PDSS2: variants seen among roughly 807,000 people sequenced by gnomAD.
PDSS2 encodes all trans-polyprenyl-diphosphate synthase PDSS2.
Under a neutral mutation model 44.5 loss-of-function variants are expected in PDSS2, and 31 were observed. That is an observed-to-expected ratio of 0.70 (90% CI 0.52 to 0.94). The LOEUF is 0.94. Among genes scored for constraint, PDSS2 ranks in the 40% least tolerant of loss-of-function variants. The pLI is 0.00. For synonymous variants in PDSS2, 157 were observed against 180.3 expected (o/e 0.87, Z 1.03); for missense variants, 452 against 482.2 (o/e 0.94, Z 0.59).
intron 1 of PDSS2, among the ~76,000 whole-genome samples, chr6:107,351,845 A>T (rs1320428358): frequency 6.6e-6 from 1 of 152,206 alleles, no homozygotes; most frequent in Non-Finnish European, 1.5e-5. Context: ...GAGATCCAGT[A>T]ATTTCCTACC....
At chr6:107,203,035 C>G (rs1772840167) in intron 6 of PDSS2, among the ~76,000 whole-genome samples, 1 of 152,038 alleles carries the variant, frequency 6.6e-6, no homozygotes, top group Non-Finnish European at 1.5e-5. Context: ...TTAAATTGCA[C>G]AGTGTGACCA....
intron 1 of PDSS2, among the ~76,000 whole-genome samples, chr6:107,430,224 G>A (rs1324797908): frequency 2.0e-5 from 3 of 151,992 alleles, no homozygotes; most frequent in Admixed American, 2.0e-4. Context: ...CCTAGGCCGG[G>A]CACAGTGGCT....
chr6:107,229,010 T>C lies in PDSS2; in HGVS notation c.702+16538A>G, dbSNP rs74398740. The stretch of plus-strand genomic sequence containing the variant: ...TGGGTACAATGTGAGGGACAGGTTG[T>C]GAGTAAATTGACCAATGAAATACAC... On this transcript the variant is annotated intron_variant, in intron 4 of 7. Coordinates refer to ENST00000369037, the MANE Select transcript of PDSS2 (RefSeq NM_020381.4). Among the ~76,000 whole-genome samples, 922 of 152,276 alleles carry C rather than the reference T, an allele frequency of 6.1e-3. 11 individuals carry two copies. The highest frequency in any genetic ancestry group is 0.021 in the African/African-American group (882 of 41,556).
intron 6 of PDSS2, among the ~76,000 whole-genome samples, chr6:107,205,381 T>C (rs1432747038): frequency 6.6e-6 from 1 of 152,192 alleles, no homozygotes; most frequent in East Asian, 1.9e-4. Context: ...GAAGGATCAT[T>C]AAAAATAAAG....
chr6:107,444,978 A>C (rs1338213807), intron 1 of PDSS2, among the ~76,000 whole-genome samples: 2 of 152,202 alleles, frequency 1.3e-5, no homozygotes, highest in African/African-American at 4.8e-5. Flanking sequence ...CTAAAAGCCA[A>C]ATCTGTCAAG....
At chr6:107,233,590 T>TTC (rs1774124913) in intron 4 of PDSS2, among the ~76,000 whole-genome samples, 1 of 151,974 alleles carries the variant, frequency 6.6e-6, no homozygotes, top group Non-Finnish European at 1.5e-5. Flanking sequence ...GATGGGAGGA[T>TTC]CACCTGAGGC....
At chr6:107,293,425 T>A (rs574853293) in intron 2 of PDSS2, among the ~76,000 whole-genome samples, 1 of 152,188 alleles carries the variant, frequency 6.6e-6, no homozygotes, top group Non-Finnish European at 1.5e-5. Context: ...GTCAAAGTTT[T>A]CCAAAATATC....
intron 7 of PDSS2, among the ~76,000 whole-genome samples, chr6:107,163,952 G>T (rs1582719193): frequency 6.6e-6 from 1 of 152,100 alleles, no homozygotes. Flanking sequence ...TTAAGCTGGG[G>T]TTCCTAAACT....
intron 7 of PDSS2, among the ~76,000 whole-genome samples, chr6:107,183,087 C>A (rs1772040272): frequency 6.6e-6 from 1 of 151,962 alleles, no homozygotes; most frequent in Non-Finnish European, 1.5e-5. Flanking sequence ...TGACATGCAA[C>A]TGTAGTCTCT....
At chr6:107,353,042 T>C (rs974931970) in intron 1 of PDSS2, among the ~76,000 whole-genome samples, 2 of 152,218 alleles carry the variant, frequency 1.3e-5, no homozygotes, top group African/African-American at 2.4e-5. Context: ...TTATTACTAT[T>C]ATCAGAATTA....
At chr6:107,415,362 C>G (rs1780625314) in intron 1 of PDSS2, among the ~76,000 whole-genome samples, 1 of 151,924 alleles carries the variant, frequency 6.6e-6, no homozygotes. Context: ...GTTCCAGGTC[C>G]CTTCTACTAC....
intron 1 of PDSS2, among the ~76,000 whole-genome samples, chr6:107,392,149 A>G (rs550825985): frequency 6.6e-6 from 1 of 152,316 alleles, no homozygotes; most frequent in East Asian, 1.9e-4. Flanking sequence ...TTCACCTAAA[A>G]CATACCTAAT....
intron 6 of PDSS2, among the ~76,000 whole-genome samples, chr6:107,202,127 C>T (rs997840440): frequency 1.3e-5 from 2 of 152,172 alleles, no homozygotes; most frequent in African/African-American, 2.4e-5. Flanking sequence ...TAGCCTTGAC[C>T]TCCTGGACTC....
rs1329217255 is a variant in PDSS2 at position 107,459,469 on chromosome 6, C to A, written c.-184G>T. On this transcript the variant is annotated 5_prime_UTR_variant, in exon 1 of 8. Transcript: ENST00000369037. The surrounding 1 kb of genome is among the most constrained non-coding windows in gnomAD (Gnocchi z 4.3). ...TAACTGCTGCTTTCTGCAGCCCAGG[C>A]TGGGCAAACAACAGTCCCAGCTCAG... is the stretch of plus-strand genomic sequence containing the variant. The A allele has an allele frequency of 6.5e-6, 4 of 612,916 alleles. No individual in the cohort carries two copies. Among genetic ancestry groups the A allele is most frequent in the South Asian group, 1.9e-5 (1 of 51,686 alleles). 38.0% of individuals were successfully genotyped at this position (612,916 alleles called of 1,614,324 possible).
At chr6:107,448,878 G>T (rs1781774352) in intron 1 of PDSS2, among the ~76,000 whole-genome samples, 1 of 152,194 alleles carries the variant, frequency 6.6e-6, no homozygotes, top group Admixed American at 6.5e-5. Flanking sequence ...TGCCAGCAGG[G>T]GAAATGTGAG....
chr6:107,306,317 A>G (rs1401315974), intron 2 of PDSS2, among the ~76,000 whole-genome samples: 2 of 152,168 alleles, frequency 1.3e-5, no homozygotes, highest in Non-Finnish European at 2.9e-5. Context: ...AATAAGTCTC[A>G]TGAGATCTGA....
intron 3 of PDSS2, among the ~76,000 whole-genome samples, chr6:107,247,039 T>A (rs986121080): frequency 1.3e-5 from 2 of 152,084 alleles, no homozygotes; most frequent in African/African-American, 4.8e-5. Flanking sequence ...CCTGAAGGTA[T>A]CAGATAAGCC....
At chr6:107,327,597 C>A (rs1255205518) in intron 2 of PDSS2, among the ~76,000 whole-genome samples, 1 of 152,140 alleles carries the variant, frequency 6.6e-6, no homozygotes, top group Non-Finnish European at 1.5e-5. Context: ...GCAGGGATTA[C>A]AGGCGCCCAC....
intron 3 of PDSS2, among the ~76,000 whole-genome samples, chr6:107,251,554 C>T (rs573458209): frequency 1.2e-4 from 18 of 152,284 alleles, no homozygotes; most frequent in African/African-American, 3.1e-4. Context: ...AACTTTACTG[C>T]GCTCTTTCCT....
Sources: gnomAD v4.1 joint callset for allele counts (sites outside exome capture counted in the v4.1 genomes callset) on GRCh38, gnomAD v4.1.1 for gene constraint, Gnocchi (gnomAD v3.1) non-coding constraint, MANE v1.5 for transcripts, NCBI Gene and HGNC (gene_info 2026-07-23, HGNC 2026-07-21) for gene names.